RBFOX1: variants seen among roughly 807,000 people sequenced by gnomAD.
RBFOX1 encodes RNA binding fox-1 homolog 1, also known as RNA binding protein fox-1 homolog 1.
Under a neutral mutation model 57.7 loss-of-function variants are expected in RBFOX1, and 8 were observed. The observed-to-expected ratio is 0.14, with a 90% CI of 0.08 to 0.25. RBFOX1 has a LOEUF of 0.25. RBFOX1 is among the 10% of genes least tolerant of loss of function. The pLI, the probability that RBFOX1 is intolerant of heterozygous loss-of-function variation, is 1.00. For missense variants in RBFOX1, 611 were observed against 548.5 expected, an observed-to-expected ratio of 1.11 and a Z score of -1.14; for synonymous variants, 326 against 222.4, an observed-to-expected ratio of 1.47 and a Z score of -4.15.
At chr16:5,859,708 C>T (rs534691170) in intron 3 of RBFOX1, among the ~76,000 whole-genome samples, 28 of 152,304 alleles carry the variant, frequency 1.8e-4, no homozygotes, top group African/African-American at 6.0e-4. Flanking sequence ...TTGCTTCTTA[C>T]AGCAGTCTTA....
At chr16:6,321,595 G>T (rs907715766) in intron 2 of RBFOX1, among the ~76,000 whole-genome samples, 2 of 152,178 alleles carry the variant, frequency 1.3e-5, no homozygotes, top group African/African-American at 2.4e-5. Context: ...TATTCAAATA[G>T]TATATCACCT....
At chr16:7,607,365 C>T in intron 10 of RBFOX1, 27 bp downstream of exon 10, 1 of 1,599,268 alleles carries the variant, frequency 6.3e-7, no homozygotes, top group South Asian at 1.1e-5. Flanking sequence ...TGCACGAAGT[C>T]TTCTCAGTCT....
chr16:7,517,187 GTT>G (rs1271265783), intron 4 of RBFOX1, among the ~76,000 whole-genome samples: 6 of 129,384 alleles, frequency 4.6e-5, no homozygotes, highest in Admixed American at 2.4e-4. Context: ...GTGTGTGTGT[GTT>G]GTGGTAGAAC....
chr16:5,382,255 A>G (rs1192932277), intron 1 of RBFOX1, among the ~76,000 whole-genome samples: 1 of 152,290 alleles, frequency 6.6e-6, no homozygotes, highest in Non-Finnish European at 1.5e-5. Flanking sequence ...CACATCTTTT[A>G]TGTTTTTAAA....
At chr16:5,603,017 C>A (rs190353042), downstream of RBFOX1, among the ~76,000 whole-genome samples, 2 of 152,076 alleles carry the variant, frequency 1.3e-5, no homozygotes, top group African/African-American at 4.8e-5. Context: ...TTTAGATAGA[C>A]TTTTTGGTCC....
intron 1 of RBFOX1, among the ~76,000 whole-genome samples, chr16:5,464,297 T>G (rs570382119): frequency 6.6e-6 from 1 of 152,258 alleles, no homozygotes; most frequent in East Asian, 1.9e-4. Flanking sequence ...GGGTAGACAT[T>G]GGGGTCCAGA....
At chr16:5,794,859 CCTA>C (rs2054822742) in intron 3 of RBFOX1, among the ~76,000 whole-genome samples, 1 of 152,260 alleles carries the variant, frequency 6.6e-6, no homozygotes, top group African/African-American at 2.4e-5. Context: ...AGGCTGCAAT[CCTA>C]CTATGGCGAC....
chr16:5,982,984 C>G (rs2060203394), intron 4 of RBFOX1, among the ~76,000 whole-genome samples: 1 of 152,232 alleles, frequency 6.6e-6, no homozygotes, highest in African/African-American at 2.4e-5. Context: ...ACCACTCCCT[C>G]TCTGCCTCAG....
chr16:5,805,215 C>G (rs1187393211), intron 3 of RBFOX1, among the ~76,000 whole-genome samples: 1 of 151,994 alleles, frequency 6.6e-6, no homozygotes, highest in Non-Finnish European at 1.5e-5. Flanking sequence ...GTGTTCAGCC[C>G]TGGAATAGAG....
At chr16:5,394,390 T>G (rs2066492671) in intron 1 of RBFOX1, among the ~76,000 whole-genome samples, 1 of 152,214 alleles carries the variant, frequency 6.6e-6, no homozygotes, top group Admixed American at 6.5e-5. Context: ...TCCCTGCCTT[T>G]TTTTGATTTT....
In RBFOX1 at chr16:7,136,909, T is replaced by C. The variant is rs112298007; in HGVS notation, c.27+84811T>C. ...CATGCCTGGGCAGGAAGGAGGCATC[T>C]AGAAGTTTGCGCTGGGGCCCTTTCA... On this transcript the variant is annotated intron_variant, in intron 4 of 15. Transcript: ENST00000550418. Among the ~76,000 whole-genome samples the C allele has an allele frequency of 4.6e-3, 695 of 152,288 alleles. 12 individuals carry two copies. The highest frequency in any genetic ancestry group is 5.0e-3 in the Non-Finnish European group (343 of 68,014).
chr16:6,475,308 C>G lies in RBFOX1; in HGVS notation c.-64+158251C>G, dbSNP rs151118317. ...GCAGTGTGCTTGATTCCTGCCATCT[C>G]AAGGATGAGGCTATATGTGCATGCT... On this transcript the variant is annotated intron_variant, in intron 2 of 15. Transcript: ENST00000550418. Among the ~76,000 whole-genome samples the G allele has an allele frequency of 2.4e-3, 372 of 152,248 alleles. 2 individuals carry two copies. The highest frequency in any genetic ancestry group is 0.019 in the South Asian group (90 of 4,818).
chr16:6,776,544 A>G (rs144627070), intron 3 of RBFOX1, among the ~76,000 whole-genome samples: 10 of 152,234 alleles, frequency 6.6e-5, no homozygotes, highest in Middle Eastern at 3.4e-3. Context: ...ACAGAGCTTG[A>G]TCAAGTCTCA....
intron 1 of RBFOX1, among the ~76,000 whole-genome samples, chr16:5,250,150 G>T (rs183735168): frequency 6.8e-4 from 103 of 151,782 alleles, no homozygotes; most frequent in Non-Finnish European, 1.2e-3. Flanking sequence ...AAAGAAAAAA[G>T]AATTTATATA....
intron 4 of RBFOX1, among the ~76,000 whole-genome samples, chr16:7,450,105 G>A (rs1598709230): frequency 1.3e-5 from 2 of 152,170 alleles, no homozygotes; most frequent in East Asian, 3.9e-4. Context: ...TAAATAAAAG[G>A]AGAGACTTGG....
At chr16:6,533,027 C>T (rs999997610) in intron 2 of RBFOX1, among the ~76,000 whole-genome samples, 2 of 152,182 alleles carry the variant, frequency 1.3e-5, no homozygotes, top group Admixed American at 6.5e-5. Context: ...TAAGAAGATT[C>T]ATCTTACTTC....
chr16:6,824,998 T>A (rs1243193652), intron 3 of RBFOX1, among the ~76,000 whole-genome samples: 1 of 111,698 alleles, frequency 9.0e-6, no homozygotes, highest in Non-Finnish European at 1.8e-5. Context: ...TTTTTTTTTT[T>A]TTTTTTTTTT....
At chr16:5,863,551 G>A (rs746741318) in intron 3 of RBFOX1, among the ~76,000 whole-genome samples, 4 of 152,220 alleles carry the variant, frequency 2.6e-5, no homozygotes, top group African/African-American at 4.8e-5. Flanking sequence ...CCTGAGGTCT[G>A]TGGGTGCACA....
chr16:7,708,892 T>C (rs945464693), intron 14 of RBFOX1, among the ~76,000 whole-genome samples, 164 bp from the exon 15 acceptor site: 6 of 152,202 alleles, frequency 3.9e-5, no homozygotes, highest in African/African-American at 1.4e-4. Flanking sequence ...AAATGTATCA[T>C]GTACAGATGA....
Sources: gnomAD v4.1 joint callset for allele counts (sites outside exome capture counted in the v4.1 genomes callset) on GRCh38, gnomAD v4.1.1 for gene constraint, MANE v1.5 for transcripts, NCBI Gene and HGNC (gene_info 2026-07-23, HGNC 2026-07-21) for gene names.